The following NRXN1 variants were observed in gnomAD, a reference collection of about 807,000 sequenced individuals.
NRXN1 encodes the protein neurexin 1, also known as neurexin-1.
NRXN1 carries 39 observed loss-of-function variants against 150.9 expected under a neutral mutation model. That is an observed-to-expected ratio of 0.26 (90% CI 0.20 to 0.34). NRXN1 has a LOEUF of 0.34. NRXN1 is among the 10% of genes least tolerant of loss of function. The pLI is 1.00. For synonymous variants in NRXN1, 924 were observed against 757.0 expected (o/e 1.22, Z -3.62); for missense variants, 1,815 against 1,949.9 (o/e 0.93, Z 1.30).
chr2:50,870,546 CT>C (rs1012895477), intron 5 of NRXN1, among the ~76,000 whole-genome samples: 1 of 152,030 alleles, frequency 6.6e-6, no homozygotes, highest in Non-Finnish European at 1.5e-5. Context: ...ACTTACTATT[CT>C]TTTGCATAAA....
At chr2:50,637,268 C>G (rs1194355927) in intron 5 of NRXN1, among the ~76,000 whole-genome samples, 1 of 152,082 alleles carries the variant, frequency 6.6e-6, no homozygotes, top group African/African-American at 2.4e-5. Context: ...TCTATCATAC[C>G]TGTATTGAAA....
intron 19 of NRXN1, among the ~76,000 whole-genome samples, chr2:50,084,311 G>A (rs1240605490): frequency 6.6e-6 from 1 of 152,324 alleles, no homozygotes; most frequent in South Asian, 2.1e-4. Flanking sequence ...ACTGGGGAGG[G>A]GAGGCTCAGG....
chr2:49,958,219 T>C (rs955865040), intron 21 of NRXN1, among the ~76,000 whole-genome samples: 7 of 152,216 alleles, frequency 4.6e-5, no homozygotes, highest in Non-Finnish European at 8.8e-5. Flanking sequence ...TGGGATATGC[T>C]GCTGAACTCT....
At chr2:50,581,912 T>C (rs1269318944) in intron 8 of NRXN1, among the ~76,000 whole-genome samples, 2 of 152,096 alleles carry the variant, frequency 1.3e-5, no homozygotes, top group African/African-American at 4.8e-5. Flanking sequence ...ATGGGCTAGG[T>C]CATGGTGGAG....
chr2:50,900,752 A>C (rs977875595), intron 5 of NRXN1, among the ~76,000 whole-genome samples: 11 of 152,188 alleles, frequency 7.2e-5, no homozygotes, highest in Admixed American at 7.2e-4. Context: ...ATGTTGTACA[A>C]GCCAGAGAGA....
chr2:50,437,214 T>C (rs566187686), intron 17 of NRXN1, among the ~76,000 whole-genome samples: 6 of 152,214 alleles, frequency 3.9e-5, no homozygotes, highest in Non-Finnish European at 8.8e-5. Flanking sequence ...GCAGTATAAA[T>C]ACACACTAGA....
chr2:50,695,215 T>C (rs1692648606), intron 5 of NRXN1, among the ~76,000 whole-genome samples: 1 of 152,142 alleles, frequency 6.6e-6, no homozygotes. Context: ...AGGCATCTTA[T>C]CTTTGGTATT....
chr2:50,387,442 A>G (rs2081400254), intron 17 of NRXN1, among the ~76,000 whole-genome samples: 1 of 152,192 alleles, frequency 6.6e-6, no homozygotes, highest in Non-Finnish European at 1.5e-5. Flanking sequence ...TCAGGCCCCA[A>G]CTACTTACAG....
chr2:50,971,500 T>C (rs7567909), intron 2 of NRXN1, among the ~76,000 whole-genome samples: 36,567 of 151,926 alleles, frequency 0.24, 4,561 homozygotes, highest in Non-Finnish European at 0.28. Context: ...GGAGAATCAC[T>C]TGAACCCAGG....
At chr2:49,998,568 T>A (rs370760954) in intron 21 of NRXN1, among the ~76,000 whole-genome samples, 1 of 152,128 alleles carries the variant, frequency 6.6e-6, no homozygotes, top group African/African-American at 2.4e-5. Context: ...TATGTAACAA[T>A]TAAAATGTAA....
At chr2:50,649,875 C>T (rs1171731079) in intron 5 of NRXN1, among the ~76,000 whole-genome samples, 2 of 151,910 alleles carry the variant, frequency 1.3e-5, no homozygotes, top group East Asian at 1.9e-4. Context: ...GCTATAATTG[C>T]CCTTGTTCTG....
At chr2:50,760,846 G>A (rs926778485) in intron 5 of NRXN1, among the ~76,000 whole-genome samples, 9 of 151,922 alleles carry the variant, frequency 5.9e-5, no homozygotes, top group African/African-American at 2.2e-4. Context: ...TTCCAGGGTG[G>A]CCTTATCTAC....
At chr2:50,176,111 A>G (rs1308683595) in intron 18 of NRXN1, among the ~76,000 whole-genome samples, 1 of 152,142 alleles carries the variant, frequency 6.6e-6, no homozygotes, top group African/African-American at 2.4e-5. Context: ...TGACCTAGTT[A>G]AGCCATGAAT....
intron 5 of NRXN1, among the ~76,000 whole-genome samples, chr2:50,876,678 A>G (rs746131133): frequency 6.6e-6 from 1 of 151,860 alleles, no homozygotes; most frequent in Non-Finnish European, 1.5e-5. Context: ...CAAATATGCC[A>G]GTTTATCACA....
intron 5 of NRXN1, among the ~76,000 whole-genome samples, chr2:50,798,597 G>A (rs979052715): frequency 2.0e-5 from 3 of 152,090 alleles, no homozygotes; most frequent in African/African-American, 7.2e-5. Context: ...TTTAAAGAAG[G>A]AGAACATTCT....
At chr2:51,026,486 A>T in intron 2 of NRXN1, 1 of 1,541,122 alleles carries the variant, frequency 6.5e-7, no homozygotes, top group Non-Finnish European at 8.9e-7. Flanking sequence ...AGGAGAAAAG[A>T]GAACTTAGGT....
intron 15 of NRXN1, among the ~76,000 whole-genome samples, chr2:50,490,082 T>C (rs1251509812): frequency 6.6e-6 from 1 of 152,240 alleles, no homozygotes; most frequent in Non-Finnish European, 1.5e-5. Context: ...TGCTCTAAAA[T>C]TCTTGTGTAA....
intron 8 of NRXN1, among the ~76,000 whole-genome samples, chr2:50,613,542 T>C (rs1168902393): frequency 6.6e-6 from 1 of 152,226 alleles, no homozygotes; most frequent in East Asian, 1.9e-4. Flanking sequence ...GAGCATCTGC[T>C]GCGTATCAGC....
intron 17 of NRXN1, among the ~76,000 whole-genome samples, chr2:50,370,245 T>C (rs2079918113): frequency 6.6e-6 from 1 of 151,960 alleles, no homozygotes; most frequent in African/African-American, 2.4e-5. Flanking sequence ...TCAGCAGGTG[T>C]TTTTCTTCTT....
Sources: gnomAD v4.1 joint callset for allele counts (sites outside exome capture counted in the v4.1 genomes callset) on GRCh38, gnomAD v4.1.1 for gene constraint, MANE v1.5 for transcripts, NCBI Gene and HGNC (gene_info 2026-07-23, HGNC 2026-07-21) for gene names.